The following FCHO1 variants were observed in gnomAD, a reference collection of about 807,000 sequenced individuals.
The protein encoded by FCHO1 is FCH and mu domain containing endocytic adaptor 1.
FCHO1 carries 45 observed loss-of-function variants against 114.4 expected under a neutral mutation model. That is an observed-to-expected ratio of 0.39 (90% CI 0.31 to 0.50). The LOEUF is 0.50. Ranked by LOEUF, FCHO1 falls within the 20% of genes least tolerant of loss-of-function variation. The probability of loss-of-function intolerance (pLI) is 0.77; values close to 1 mark genes in which losing one functional copy is unlikely to be tolerated. For synonymous variants in FCHO1, 480 were observed against 488.9 expected (o/e 0.98, Z 0.24); for missense variants, 1,042 against 1,209.6 (o/e 0.86, Z 2.06).
chr19:17,774,467 A>T lies in FCHO1; in HGVS notation c.909A>T (p.Pro303=). 6.2e-7 allele frequency: 1 copy of T among 1,612,812 alleles called. No homozygotes were observed. The highest frequency in any genetic ancestry group is 1.1e-5 in the South Asian group (1 of 91,030). The change falls in exon 13 of 29, where the codon CCA becomes CCT. Residue 303 remains proline, a synonymous_variant. Coordinates refer to ENST00000596536, the MANE Select transcript of FCHO1 (RefSeq NM_015122.3). ...GLSRREREPE[P]PAAVDFLEPD... Reference sequence around the variant, plus strand: ...GCCGGCGGGAGCGGGAGCCAGAGCCACCTGCAGCTGTGTGAGGAAGCACCC... The same window carrying T: ...GCCGGCGGGAGCGGGAGCCAGAGCCTCCTGCAGCTGTGTGAGGAAGCACCC...
In FCHO1 at chr19:17,787,761, C is replaced by T. The variant is rs749243765; in HGVS notation, c.2562C>T (p.Ser854=). 19 of 1,607,486 alleles carry T rather than the reference C, an allele frequency of 1.2e-5. No homozygotes were observed. Among genetic ancestry groups the T allele is most frequent in the African/African-American group, 6.7e-5 (5 of 74,886 alleles). ...GCCCCGTGGCTGCACAGTTCACCAG[C>T]GAGGGGACCACTCTGTCGGGCGTGG... ...TPSPVAAQFT[S]EGTTLSGVDL... The change falls in exon 28 of 29, where the codon AGC becomes AGT. Residue 854 remains serine (S), a synonymous_variant. Transcript: ENST00000596536.
intron 19 of FCHO1, 32 bp from the exon 20 acceptor site, chr19:17,778,577 G>A (rs780850600): frequency 2.7e-6 from 4 of 1,501,476 alleles, no homozygotes; most frequent in South Asian, 1.3e-5. Flanking sequence ...GTGGGCGAGG[G>A]TCGGAGCTGA....
At chr19:17,781,626 G>A (rs2093417992) in intron 22 of FCHO1, 86 bp from the exon 23 acceptor site, 4 of 1,557,680 alleles carry the variant, frequency 2.6e-6, no homozygotes, top group Non-Finnish European at 3.5e-6. Flanking sequence ...TGGCAGAGGT[G>A]TGGTTGGGCG....
Position 17,766,207 on chromosome 19 carries a change from C to T in FCHO1, c.195-462C>T, listed in dbSNP as rs368186846. The stretch of plus-strand genomic sequence containing the variant: ...TTTTTTTTTTTTTGAGATGGAGTCT[C>T]GCTGTGTCACCCAGGCTGGAGTGCA... On this transcript the variant is annotated intron_variant, in intron 6 of 28. Coordinates refer to ENST00000596536, the MANE Select transcript of FCHO1 (RefSeq NM_015122.3). 8.4e-5 allele frequency among the ~76,000 whole-genome samples: 12 copies of T among 142,858 alleles called. No individual in the cohort carries two copies. In the East Asian group the frequency reaches 1.6e-3, roughly 19 times the overall value. 93.7% of individuals were successfully genotyped at this position (142,858 alleles called of 152,430 possible). A position where few individuals can be genotyped will look rare whatever the true frequency, so the allele number is the denominator to read the frequency against.
rs752179308 is a variant in FCHO1 at position 17,776,011 on chromosome 19, C to T, written c.1032C>T (p.Ser344=). ...NSTAEPSRFS[S]SDSDFDDEEP... ...CGGCCGAGCCCTCCCGTTTCTCGTC[C>T]AGCGACTCCGACTTCGACGATGAAG... The change falls in exon 16 of 29, where the codon TCC becomes TCT. Residue 344 remains serine (S), a synonymous_variant. Transcript: ENST00000596536. The surrounding 1 kb of genome is among the most constrained non-coding windows in gnomAD (Gnocchi z 4.4). 7.5e-6 allele frequency: 12 copies of T among 1,608,882 alleles called. No homozygotes were observed. In the South Asian group the frequency reaches 1.3e-4, roughly 18 times the overall value.
chr19:17,762,066 A>G (rs2086490919), intron 4 of FCHO1, among the ~76,000 whole-genome samples: 1 of 149,970 alleles, frequency 6.7e-6, no homozygotes, highest in African/African-American at 2.5e-5. Flanking sequence ...GCTCACTGCA[A>G]CCTCTGCCTC....
At position 17,783,136 on chromosome 19, in the gene FCHO1, T is replaced by C; in HGVS notation, c.2057T>C (p.Ile686Thr). The C allele has an allele frequency of 6.2e-7, 1 of 1,614,204 alleles. No individual in the cohort carries two copies. The highest frequency in any genetic ancestry group is 8.5e-7 in the Non-Finnish European group (1 of 1,180,036). The change falls in exon 24 of 29, where the codon ATT becomes ACT. Residue 686 changes from isoleucine to threonine, a missense_variant. Transcript: ENST00000596536. ...LSFRLVHTTA[I>T]EHFQPNADLL... ...TTCCGGCTTGTACACACAACCGCTA[T>C]TGAGCACTTCCAGCCCAACGCCGAT...
Position 17,767,794 on chromosome 19 carries a change from G to A in FCHO1, c.336+984G>A, listed in dbSNP as rs114798046. 8.7e-3 allele frequency among the ~76,000 whole-genome samples: 1,328 copies of A among 152,294 alleles called. 19 individuals are homozygous for A. Among genetic ancestry groups the A allele is most frequent in the African/African-American group, 0.03 (1,258 of 41,562 alleles). ...ACTGCAGCGACAGATTCAAGTGTTT[G>A]TATCAAGCCAAACACATTTGCTATC... On this transcript the variant is annotated intron_variant, in intron 7 of 28. Coordinates refer to ENST00000596536, the MANE Select transcript of FCHO1 (RefSeq NM_015122.3).
intron 23 of FCHO1, 137 bp downstream of exon 23, chr19:17,781,957 G>T: frequency 1.9e-6 from 1 of 527,342 alleles, no homozygotes; most frequent in Non-Finnish European, 3.3e-6. Flanking sequence ...CCAGGCCCCT[G>T]TCCTGAGGGC....
At chr19:17,781,899 T>A in intron 23 of FCHO1, 79 bp downstream of exon 23, 1 of 958,882 alleles carries the variant, frequency 1.0e-6, no homozygotes, top group Non-Finnish European at 1.6e-6. Flanking sequence ...CAGATGTGCT[T>A]CATGGTCTGT....
chr19:17,787,843 A>C lies in FCHO1; in HGVS notation c.2644A>C (p.Thr882Pro). The part of the protein sequence containing the change: ...RMSLVKRRFA[T>P]GMYLVSC The stretch of plus-strand genomic sequence containing the variant: ...GTCGCTGGTGAAGAGGAGGTTTGCC[A>C]CAGGTACTCCCCAACCCTGCTGCTG... Residue 882 changes from threonine (T) to proline (P), a missense_variant, in exon 28 of 29, where the codon ACA (threonine) becomes CCA (proline). This residue lies in a region of FCHO1 where 137 missense variants were observed against 190.0 expected (regional missense o/e 0.72). Coordinates refer to ENST00000596536, the MANE Select transcript of FCHO1 (RefSeq NM_015122.3). 1 of 1,612,868 alleles carries C rather than the reference A, an allele frequency of 6.2e-7. No homozygotes were observed. The highest frequency in any genetic ancestry group is 8.5e-7 in the Non-Finnish European group (1 of 1,179,562).
intron 27 of FCHO1, 126 bp downstream of exon 27, chr19:17,786,755 T>C (rs1276801457): frequency 3.8e-6 from 4 of 1,055,620 alleles, no homozygotes; most frequent in Non-Finnish European, 5.5e-6. Context: ...GAGGAAGTCT[T>C]TAAAAGCTGG....
Position 17,776,044 on chromosome 19 carries a change from C to G in FCHO1, c.1065C>G (p.Arg355=). 6.2e-7 allele frequency: 1 copy of G among 1,610,632 alleles called. No homozygotes were observed. Among genetic ancestry groups the G allele is most frequent in the South Asian group, 1.1e-5 (1 of 91,088 alleles). Residue 355 remains arginine (R), a synonymous_variant, in exon 16 of 29, where the codon CGC becomes CGG. Coordinates refer to ENST00000596536, the MANE Select transcript of FCHO1 (RefSeq NM_015122.3). The surrounding 1 kb of genome is among the most constrained non-coding windows in gnomAD (Gnocchi z 4.4). ...CCGACTTCGACGATGAAGAGCCCCG[C>G]AAGTTCTATGTGCACATCAAGCCTG... is the stretch of plus-strand genomic sequence containing the variant. The part of the protein sequence containing the change: ...SDSDFDDEEP[R]KFYVHIKPAP...
Position 17,775,464 on chromosome 19 carries a change from A to T in FCHO1, c.954A>T (p.Pro318=). 6.2e-7 allele frequency: 1 copy of T among 1,613,952 alleles called. No homozygotes were observed. The highest frequency in any genetic ancestry group is 1.1e-5 in the South Asian group (1 of 91,086). The change falls in exon 15 of 29, where the codon CCA becomes CCT. Residue 318 remains proline, a synonymous_variant. Coordinates refer to ENST00000596536, the MANE Select transcript of FCHO1 (RefSeq NM_015122.3). The surrounding 1 kb of genome is among the most constrained non-coding windows in gnomAD (Gnocchi z 5.1). ...DFLEPDSGTC[P]EVDEEGFTVR... The stretch of plus-strand genomic sequence containing the variant: ...CCCCCTGACTCCCCTAGACATGTCC[A>T]GAGGTGGATGAAGAAGGTTTCACTG...
chr19:17,758,895 G>C (rs1351905881), intron 4 of FCHO1: 1 of 152,094 alleles, frequency 6.6e-6, no homozygotes, highest in East Asian at 1.9e-4. Flanking sequence ...GATCTCTTGA[G>C]CCCAGGAATT....
chr19:17,759,564 A>T (rs1366460001), intron 4 of FCHO1, among the ~76,000 whole-genome samples: 1 of 151,996 alleles, frequency 6.6e-6, no homozygotes, highest in African/African-American at 2.4e-5. Context: ...TTTAAGTCCA[A>T]ATCTAAAGGT....
chr19:17,765,837 G>A (rs566342488), intron 6 of FCHO1, among the ~76,000 whole-genome samples: 2 of 151,480 alleles, frequency 1.3e-5, no homozygotes, highest in Admixed American at 1.3e-4. Flanking sequence ...GCTGAGTGGG[G>A]CAGGCCAAAT....
At chr19:17,758,927 T>G (rs1340388438) in intron 4 of FCHO1, 2 of 152,170 alleles carry the variant, frequency 1.3e-5, no homozygotes, top group African/African-American at 4.8e-5. Flanking sequence ...TGAGCCATGA[T>G]TGTGCCGCTG....
chr19:17,756,177 G>C (rs1033057704), intron 4 of FCHO1, among the ~76,000 whole-genome samples: 17 of 152,198 alleles, frequency 1.1e-4, no homozygotes, highest in African/African-American at 3.6e-4. Context: ...CCTCTTGAAA[G>C]CACTTGCTTT....
Sources: allele counts gnomAD v4.1 joint callset (sites outside exome capture counted in the v4.1 genomes callset), GRCh38; gene constraint gnomAD v4.1.1; regional missense constraint gnomAD v4.1.1; non-coding constraint Gnocchi (gnomAD v3.1); transcripts MANE v1.5; gene names NCBI Gene and HGNC (gene_info 2026-07-23, HGNC 2026-07-21).